Variants in KIR2DL1 observed in about 807,000 individuals in gnomAD.
KIR2DL1 encodes killer cell immunoglobulin like receptor, two Ig domains and long cytoplasmic tail 1, also known as killer cell immunoglobulin-like receptor 2DL1.
Under a neutral mutation model 33.9 loss-of-function variants are expected in KIR2DL1, and 38 were observed. That is an observed-to-expected ratio of 1.12 (90% CI 0.86 to 1.47). The LOEUF is 1.47. Ranked by LOEUF, KIR2DL1 falls within the 40% of genes most tolerant of loss-of-function variation. KIR2DL1 has a pLI of 0.00. For synonymous variants in KIR2DL1, 179 were observed against 165.9 expected (o/e 1.08, Z -0.61); for missense variants, 531 against 433.9 (o/e 1.22, Z -1.99).
At chr19:54,773,234 G>A in intron 2 of KIR2DL1, 99 bp from the exon 3 acceptor site, 1 of 1,303,292 alleles carries the variant, frequency 7.7e-7, no homozygotes, top group Non-Finnish European at 1.1e-6. Context: ...AGGAAGGAGA[G>A]AGATAAGACA....
chr19:54,779,378 C>T (rs796887656), intron 5 of KIR2DL1, among the ~76,000 whole-genome samples: 328 of 133,186 alleles, frequency 2.5e-3, no homozygotes, highest in African/African-American at 3.4e-3. Context: ...CTCACTTGTC[C>T]CAGCTTCTAA....
intron 4 of KIR2DL1, among the ~76,000 whole-genome samples, chr19:54,776,181 G>C (rs145168230): frequency 0.14 from 13,193 of 92,910 alleles, 1,115 homozygotes; most frequent in South Asian, 0.26. Flanking sequence ...TGGGCCACCA[G>C]GCCCAGCCAC....
intron 6 of KIR2DL1, 121 bp downstream of exon 6, chr19:54,783,144 G>C: frequency 8.4e-7 from 1 of 1,188,870 alleles, no homozygotes; most frequent in South Asian, 1.2e-5. Context: ...CAGCCACAGA[G>C]GCAGGACTTT....
intron 1 of KIR2DL1, 150 bp from the exon 2 acceptor site, chr19:54,770,699 G>A: frequency 8.5e-7 from 1 of 1,173,744 alleles, no homozygotes; most frequent in Admixed American, 1.8e-5. Flanking sequence ...ACAGCCGACA[G>A]CCCTGTTCTT....
At chr19:54,775,938 A>C (rs679268) in intron 4 of KIR2DL1, among the ~76,000 whole-genome samples, 42,464 of 140,944 alleles carry the variant, frequency 0.3, 5,396 homozygotes, top group South Asian at 0.43. Flanking sequence ...GTCCCCTATG[A>C]TGGAGTGCAG....
rs749005168 is a variant in KIR2DL1, at chr19:54,769,894, G to A, written c.34+10G>A. The stretch of plus-strand genomic sequence containing the variant: ...AGCATGGCGTGTGTTGGTGAGTCCT[G>A]GAAAGCAATAGAGGGAGGGAGTGAG... On this transcript the variant is annotated intron_variant, in intron 1 of 7. Transcript: ENST00000336077. 3.8e-6 allele frequency: 6 copies of A among 1,566,958 alleles called. No individual in the cohort carries two copies. In the Admixed American group the frequency reaches 8.6e-5, roughly 23 times the overall value.
At position 54,782,995 on chromosome 19, in the gene KIR2DL1, C is replaced by T. The variant is rs1349493631; in HGVS notation, c.789C>T (p.Leu263=). Residue 263 remains leucine (L), a synonymous_variant, in exon 6 of 8, where the codon CTC becomes CTT. Transcript: ENST00000336077. ...TCCTCTTCATCCTCCTCTTCTTTCT[C>T]CTTCATCGCTGGTGCTCCAACAAAA... The part of the protein sequence containing the change: ...VIILFILLFF[L]LHRWCSNKKN... 7.4e-6 allele frequency: 12 copies of T among 1,613,724 alleles called. No homozygotes were observed. The South Asian group carries it at 1.2e-4, about 16-fold the overall frequency.
chr19:54,780,006 C>T, intron 5 of KIR2DL1: 1 of 388,784 alleles, frequency 2.6e-6, no homozygotes, highest in Non-Finnish European at 4.7e-6. Flanking sequence ...TCAAGTGATT[C>T]TCCTGCCTCC....
chr19:54,783,454 C>G (rs370360063), intron 6 of KIR2DL1, 32 bp from the exon 7 acceptor site: 1 of 1,607,632 alleles, frequency 6.2e-7, no homozygotes, highest in African/African-American at 1.3e-5. Context: ...AAGTGCCCTC[C>G]GAGCTGTTTT....
At position 54,783,681 on chromosome 19, in the gene KIR2DL1, G is replaced by A. The variant is rs1459641395; in HGVS notation, c.915G>A (p.Leu305=). 1.9e-6 allele frequency: 3 copies of A among 1,614,020 alleles called. No individual in the cohort carries two copies. The highest frequency in any genetic ancestry group is 2.5e-6 in the Non-Finnish European group (3 of 1,179,972). The stretch of plus-strand genomic sequence containing the variant: ...CTCAGGAGGTGACATACACACAGTT[G>A]AATCACTGCGTTTTCACACAGAGAA... ...QDPQEVTYTQ[L]NHCVFTQRKI... Residue 305 remains leucine, a synonymous_variant, in exon 8 of 8, where the codon TTG becomes TTA. Coordinates refer to ENST00000336077, the MANE Select transcript of KIR2DL1 (RefSeq NM_014218.3).
rs1346715458 is a variant in KIR2DL1 at position 54,770,975 on chromosome 19, T to C, written c.70+91T>C. ...GGAAGTCCTGTCAGGGAGTCTCTCA[T>C]AAACTAGGAAGAAGGGACCCTGGGG... On this transcript the variant is annotated intron_variant, in intron 2 of 7. Transcript: ENST00000336077. The C allele has an allele frequency of 2.6e-6, 4 of 1,520,080 alleles. No individual in the cohort carries two copies. The East Asian group carries it at 6.8e-5, about 26-fold the overall frequency. The allele number at this position is 1,520,080 out of a possible 1,614,324, so 94.2% of individuals were successfully genotyped here.
chr19:54,770,630 G>A, intron 1 of KIR2DL1, among the ~76,000 whole-genome samples: 1 of 148,100 alleles, frequency 6.8e-6, no homozygotes, highest in African/African-American at 2.5e-5. Context: ...GGAGATATGG[G>A]CCTGGAGTGG....
rs753653923 is a variant in KIR2DL1 at position 54,770,869 on chromosome 19, G to A, written c.55G>A (p.Ala19Thr). 2.3e-5 allele frequency: 37 copies of A among 1,584,538 alleles called. No individual in the cohort carries two copies. In the African/African-American group the frequency reaches 4.5e-4, roughly 19 times the overall value. Residue 19 changes from alanine to threonine, a missense_variant, in exon 2 of 8, where the codon GCC (alanine) becomes ACC (threonine). Physicochemically the swap from Ala to Thr is moderately conservative, Grantham distance 58. Coordinates refer to ENST00000336077, the MANE Select transcript of KIR2DL1 (RefSeq NM_014218.3). ...ACVGFFLLQG[A>T]WPHEGVHRKP... ...TCCAGGGTTCTTCTTGCTGCAGGGG[G>A]CCTGGCCACATGAGGGTGAGTCCTT...
At chr19:54,780,694 G>A (rs1454073666) in intron 5 of KIR2DL1, among the ~76,000 whole-genome samples, 1 of 141,954 alleles carries the variant, frequency 7.0e-6, no homozygotes, top group African/African-American at 2.6e-5. Flanking sequence ...GAAGTAGATG[G>A]ATATAAGATA....
chr19:54,779,865 T>C (rs1271173098), intron 5 of KIR2DL1, among the ~76,000 whole-genome samples: 1 of 136,734 alleles, frequency 7.3e-6, no homozygotes, highest in Non-Finnish European at 1.6e-5. Flanking sequence ...GAATGGTCCA[T>C]TGGGAAGCAT....
At chr19:54,772,530 A>G (rs1226335243) in intron 2 of KIR2DL1, among the ~76,000 whole-genome samples, 1 of 145,654 alleles carries the variant, frequency 6.9e-6, no homozygotes, top group Admixed American at 7.0e-5. Flanking sequence ...ACCCAGGTCA[A>G]GGACAAGTTA....
intron 4 of KIR2DL1, among the ~76,000 whole-genome samples, chr19:54,777,771 C>G (rs2076516269): frequency 6.8e-6 from 1 of 147,728 alleles, no homozygotes; most frequent in African/African-American, 2.5e-5. Flanking sequence ...AGCATTTCCC[C>G]AATATTTTGT....
chr19:54,776,076 G>C (rs1346840673), intron 4 of KIR2DL1, among the ~76,000 whole-genome samples: 19 of 145,550 alleles, frequency 1.3e-4, no homozygotes, highest in South Asian at 8.7e-4. Context: ...ATTTTTAGTA[G>C]AGAGGTGGTT....
chr19:54,773,524 A>T lies in KIR2DL1; in HGVS notation c.262A>T (p.Ser88Cys). 1 of 1,472,538 alleles carries T rather than the reference A, an allele frequency of 6.8e-7. No homozygotes were observed. The highest frequency in any genetic ancestry group is 9.4e-7 in the Non-Finnish European group (1 of 1,069,292). The allele number at this position is 1,472,538 out of a possible 1,614,324, so 91.2% of individuals were successfully genotyped here. A position where few individuals can be genotyped will look rare whatever the true frequency, so the allele number is the denominator to read the frequency against. The change falls in exon 3 of 8, where the codon AGT (serine) becomes TGT (cysteine). Residue 88 changes from serine (S) to cysteine (C), a missense_variant. Coordinates refer to ENST00000336077, the MANE Select transcript of KIR2DL1 (RefSeq NM_014218.3). ...GGTCTCCAAGGCCAACTTCTCCATCAGTCGCATGACGCAAGACCTGGCAGG... is the reference window on the plus strand; with the variant it reads ...GGTCTCCAAGGCCAACTTCTCCATCTGTCGCATGACGCAAGACCTGGCAGG... ...DGVSKANFSI[S>C]RMTQDLAGTY...
Sources: gnomAD v4.1 joint callset for allele counts (sites outside exome capture counted in the v4.1 genomes callset) on GRCh38, gnomAD v4.1.1 for gene constraint, MANE v1.5 for transcripts, NCBI Gene and HGNC (gene_info 2026-07-23, HGNC 2026-07-21) for gene names.